Variants in THSD4 observed in about 807,000 individuals in gnomAD.
The protein encoded by THSD4 is thrombospondin type-1 domain-containing protein 4.
A neutral mutation model predicts 119.0 loss-of-function variants in THSD4; 69 were observed. The ratio of observed to expected loss-of-function variants is 0.58; its 90% CI spans 0.48 to 0.71. The LOEUF (loss-of-function observed/expected upper bound fraction) is 0.71. Ranked by LOEUF, THSD4 falls within the 30% of genes least tolerant of loss-of-function variation. THSD4 has a pLI of 0.00. For missense variants in THSD4, 1,393 were observed against 1,391.1 expected, an observed-to-expected ratio of 1.00 and a Z score of -0.02; for synonymous variants, 524 against 540.4, an observed-to-expected ratio of 0.97 and a Z score of 0.42.
upstream of THSD4, chr15:71,112,318 G>A (rs777329393): frequency 3.3e-6 from 4 of 1,224,532 alleles, no homozygotes; most frequent in Non-Finnish European, 4.4e-6. Context: ...ATGAAGGGGG[G>A]TACTATTAAT....
At chr15:71,160,186 A>T (rs942175601) in intron 3 of THSD4, among the ~76,000 whole-genome samples, 1 of 151,502 alleles carries the variant, frequency 6.6e-6, no homozygotes, top group Non-Finnish European at 1.5e-5. Flanking sequence ...ATATTAGTGA[A>T]TAATATTTAT....
chr15:71,099,792 C>T lies in THSD4; in HGVS notation c.-80+2786C>T, dbSNP rs182029819. Among the ~76,000 whole-genome samples the T allele has an allele frequency of 4.1e-3, 631 of 152,108 alleles. 5 individuals are homozygous for T. Among genetic ancestry groups the T allele is most frequent in the Non-Finnish European group, 4.0e-3 (274 of 67,992 alleles). ...CCAGCCTGGACAACATGGTGAAACC[C>T]CTTCCCTACAAAAAATACAAAAATT... On this transcript the variant is annotated intron_variant, in intron 1 of 17. Coordinates refer to the THSD4 transcript ENST00000355327.
intron 2 of THSD4, 32 bp downstream of exon 2, chr15:71,141,588 G>T (rs1414747313): frequency 6.3e-7 from 1 of 1,595,306 alleles, no homozygotes. Context: ...AAAAAAACAG[G>T]AGAATAAGAA....
intron 8 of THSD4, among the ~76,000 whole-genome samples, chr15:71,708,177 CTG>C (rs1426360400): frequency 6.6e-6 from 1 of 152,212 alleles, no homozygotes; most frequent in African/African-American, 2.4e-5. Context: ...GGACTGCAGT[CTG>C]TGATTGAACG....
intron 7 of THSD4, among the ~76,000 whole-genome samples, chr15:71,571,021 G>C (rs1245521132): frequency 6.6e-6 from 1 of 152,120 alleles, no homozygotes; most frequent in African/African-American, 2.4e-5. Context: ...AGGGTGTGTG[G>C]GCTGTGAATT....
chr15:71,263,090 T>C (rs1012079646), intron 6 of THSD4, among the ~76,000 whole-genome samples: 1 of 151,936 alleles, frequency 6.6e-6, no homozygotes, highest in African/African-American at 2.4e-5. Flanking sequence ...AATCCATTAG[T>C]TATTTTTCCT....
intron 8 of THSD4, among the ~76,000 whole-genome samples, chr15:71,669,178 G>T (rs2051473464): frequency 6.6e-6 from 1 of 152,062 alleles, no homozygotes; most frequent in Admixed American, 6.6e-5. Context: ...TATTATAAGT[G>T]TACTTAATTC....
At chr15:71,727,705 G>A (rs1301425983) in intron 8 of THSD4, among the ~76,000 whole-genome samples, 1 of 146,522 alleles carries the variant, frequency 6.8e-6, no homozygotes, top group East Asian at 2.0e-4. Context: ...AGGAGGTTGA[G>A]GCTGCACTGA....
intron 6 of THSD4, among the ~76,000 whole-genome samples, chr15:71,410,966 T>G (rs977126084): frequency 6.6e-6 from 1 of 152,186 alleles, no homozygotes; most frequent in Non-Finnish European, 1.5e-5. Context: ...GAGAATCACT[T>G]GAACCCGGGA....
chr15:71,619,719 A>AGC (rs1323304718), intron 7 of THSD4, among the ~76,000 whole-genome samples: 9 of 152,186 alleles, frequency 5.9e-5, no homozygotes, highest in African/African-American at 2.2e-4. Flanking sequence ...AGAACATACA[A>AGC]GCATAGGGCA....
At chr15:71,265,948 A>G (rs778058150) in intron 6 of THSD4, among the ~76,000 whole-genome samples, 2 of 152,210 alleles carry the variant, frequency 1.3e-5, no homozygotes, top group Non-Finnish European at 2.9e-5. Context: ...AGGAAAGGTA[A>G]CAGCCCCATT....
intron 8 of THSD4, among the ~76,000 whole-genome samples, chr15:71,691,429 C>G (rs182960062): frequency 6.6e-6 from 1 of 152,332 alleles, no homozygotes; most frequent in East Asian, 1.9e-4. Context: ...GGAGACCATG[C>G]CTGTTCAGGT....
chr15:71,779,912 T>G lies in THSD4; in HGVS notation c.*2538T>G, dbSNP rs1388191687. 4 of 151,980 alleles carry G rather than the reference T, an allele frequency of 2.6e-5. No individual in the cohort carries two copies. The highest frequency in any genetic ancestry group is 2.6e-4 in the Admixed American group (4 of 15,262). 9.4% of individuals were successfully genotyped at this position (151,980 alleles called of 1,614,324 possible). On this transcript the variant is annotated 3_prime_UTR_variant, in exon 18 of 18. Coordinates refer to ENST00000261862, the MANE Select transcript of THSD4 (RefSeq NM_024817.3). ...CATCTCTGGAGAGGTTATACATTAT[T>G]AGAAGTTTGATTATTATTATAGTTT...
intron 7 of THSD4, among the ~76,000 whole-genome samples, chr15:71,421,854 T>C (rs2046813136): frequency 6.6e-6 from 1 of 152,202 alleles, no homozygotes; most frequent in South Asian, 2.1e-4. Context: ...GCCTTATTCC[T>C]TTTTACTTTT....
At chr15:71,599,958 C>T (rs116838386) in intron 7 of THSD4, among the ~76,000 whole-genome samples, 2,389 of 152,348 alleles carry the variant, frequency 0.016, 65 homozygotes, top group African/African-American at 0.053. Context: ...ACCATAAGCT[C>T]TCACATCTCA....
chr15:71,347,120 C>T (rs555716157), intron 6 of THSD4, among the ~76,000 whole-genome samples: 6 of 152,156 alleles, frequency 3.9e-5, no homozygotes, highest in Middle Eastern at 3.4e-3. Flanking sequence ...GCGATCTGCC[C>T]GCCTCGGTGT....
At chr15:71,501,237 A>G (rs1444048452) in intron 7 of THSD4, among the ~76,000 whole-genome samples, 2 of 152,238 alleles carry the variant, frequency 1.3e-5, no homozygotes, top group African/African-American at 2.4e-5. Flanking sequence ...GAAAGAGGCA[A>G]AACAATTCAC....
chr15:71,629,752 C>T (rs1182936029), intron 7 of THSD4, among the ~76,000 whole-genome samples: 1 of 152,298 alleles, frequency 6.6e-6, no homozygotes, highest in East Asian at 1.9e-4. Flanking sequence ...ATTTACCTCC[C>T]TTGCCCCCAT....
chr15:71,753,010 G>A (rs570397391), intron 14 of THSD4, among the ~76,000 whole-genome samples: 6 of 152,300 alleles, frequency 3.9e-5, no homozygotes, highest in African/African-American at 9.6e-5. Flanking sequence ...CACAGCTTCC[G>A]ACTCAATAAG....
Sources: gnomAD v4.1 joint callset for allele counts (sites outside exome capture counted in the v4.1 genomes callset) on GRCh38, gnomAD v4.1.1 for gene constraint, MANE v1.5 for transcripts, NCBI Gene and HGNC (gene_info 2026-07-23, HGNC 2026-07-21) for gene names.